The following CNBD1 variants were observed in gnomAD, a reference collection of about 807,000 sequenced individuals.
CNBD1 encodes cyclic nucleotide-binding domain-containing protein 1.
CNBD1 carries 71 observed loss-of-function variants against 54.4 expected under a neutral mutation model. That is an observed-to-expected ratio of 1.30 (90% confidence interval 1.08 to 1.59). The LOEUF is 1.59. Among genes scored for constraint, CNBD1 ranks in the 40% most tolerant of loss-of-function variants. CNBD1 has a pLI of 0.00. For missense variants in CNBD1, 659 were observed against 518.0 expected, an observed-to-expected ratio of 1.27 and a Z score of -2.64; for synonymous variants, 182 against 170.7, an observed-to-expected ratio of 1.07 and a Z score of -0.51.
rs566018984 is a variant in CNBD1 at position 87,382,704 on chromosome 8, A to G, written c.*77A>G. 10 of 1,099,242 alleles carry G rather than the reference A, an allele frequency of 9.1e-6. No individual in the cohort carries two copies. Among genetic ancestry groups the G allele is most frequent in the Middle Eastern group, 2.1e-4 (1 of 4,668 alleles). 68.1% of individuals were successfully genotyped at this position (1,099,242 alleles called of 1,614,324 possible). A position where few individuals can be genotyped will look rare whatever the true frequency, so the allele number is the denominator to read the frequency against. On this transcript the variant is annotated 3_prime_UTR_variant, in exon 11 of 11. Coordinates refer to ENST00000518476, the MANE Select transcript of CNBD1 (RefSeq NM_173538.3). ...TGGAATAATTGCATTCTGGAATACT[A>G]TCAAACTACCAGCAATGAATTTGGT...
intron 4 of CNBD1, among the ~76,000 whole-genome samples, chr8:86,961,573 C>A (rs564394701): frequency 6.6e-6 from 1 of 152,332 alleles, no homozygotes; most frequent in East Asian, 1.9e-4. Context: ...AAGGGCATCC[C>A]GTTTGGAGAG....
intron 2 of CNBD1, among the ~76,000 whole-genome samples, chr8:87,418,289 T>A (rs1013892490): frequency 1.3e-5 from 2 of 151,974 alleles, no homozygotes; most frequent in African/African-American, 4.8e-5. Context: ...TTTCAACAAA[T>A]CGTGCTGAGA....
At chr8:87,369,280 C>T (rs1316771) in intron 10 of CNBD1, among the ~76,000 whole-genome samples, 25,124 of 151,804 alleles carry the variant, frequency 0.17, 2,935 homozygotes, top group African/African-American at 0.34. Flanking sequence ...ATTTGGTTTC[C>T]TAGGTCAATT....
chr8:87,230,380 A>T lies in CNBD1; in HGVS notation c.578-6539A>T, dbSNP rs1014238127. On this transcript the variant is annotated intron_variant, in intron 5 of 10. Coordinates refer to ENST00000518476, the MANE Select transcript of CNBD1 (RefSeq NM_173538.3). ...TGAGGTTGTTTATAAAATCTATAAA[A>T]CTAACATACATTTGTAGGTATATAT... 2.6e-5 allele frequency among the ~76,000 whole-genome samples: 4 copies of T among 152,298 alleles called. No individual in the cohort carries two copies. In the East Asian group the frequency reaches 5.8e-4, roughly 22 times the overall value.
At chr8:87,376,331 G>A (rs1261057813) in intron 10 of CNBD1, among the ~76,000 whole-genome samples, 1 of 151,812 alleles carries the variant, frequency 6.6e-6, no homozygotes, top group Non-Finnish European at 1.5e-5. Context: ...ACATGGCTGA[G>A]AATAGAGAGC....
chr8:86,869,347 C>CACAACAACA (rs58298303), intron 1 of CNBD1, among the ~76,000 whole-genome samples: 1 of 151,364 alleles, frequency 6.6e-6, no homozygotes, highest in Non-Finnish European at 1.5e-5. Context: ...AAACTCTACT[C>CACAACAACA]ACAACAACAA....
At chr8:87,004,090 A>G (rs943938508) in intron 4 of CNBD1, among the ~76,000 whole-genome samples, 3 of 152,250 alleles carry the variant, frequency 2.0e-5, no homozygotes, top group Non-Finnish European at 2.9e-5. Flanking sequence ...TGCTTTTCAC[A>G]TAGTGAATAT....
At chr8:86,875,258 G>T (rs563600808) in intron 1 of CNBD1, among the ~76,000 whole-genome samples, 1 of 151,736 alleles carries the variant, frequency 6.6e-6, no homozygotes, top group Admixed American at 6.6e-5. Context: ...CTCACACCTC[G>T]CAGCTGTCCT....
intron 8 of CNBD1, among the ~76,000 whole-genome samples, chr8:87,317,906 TTC>T (rs1487662014): frequency 1.3e-5 from 2 of 151,982 alleles, no homozygotes; most frequent in African/African-American, 4.8e-5. Flanking sequence ...ATTTTTTTTC[TTC>T]TCTGTGTCTT....
intron 4 of CNBD1, among the ~76,000 whole-genome samples, chr8:86,966,263 C>T (rs1272242858): frequency 6.6e-6 from 1 of 152,168 alleles, no homozygotes; most frequent in African/African-American, 2.4e-5. Context: ...AATTAATCAG[C>T]CTCCTGGTGC....
At chr8:86,882,847 A>T (rs1420589507) in intron 1 of CNBD1, among the ~76,000 whole-genome samples, 1 of 152,224 alleles carries the variant, frequency 6.6e-6, no homozygotes, top group Non-Finnish European at 1.5e-5. Flanking sequence ...GCCATAAAAA[A>T]GAATAAGATT....
At chr8:87,017,253 T>G (rs1238735699) in intron 4 of CNBD1, among the ~76,000 whole-genome samples, 2 of 152,218 alleles carry the variant, frequency 1.3e-5, no homozygotes, top group Non-Finnish European at 2.9e-5. Context: ...CCACTTTTAC[T>G]TAAATGCCTT....
At chr8:87,070,880 T>C (rs1810746643) in intron 4 of CNBD1, among the ~76,000 whole-genome samples, 1 of 152,078 alleles carries the variant, frequency 6.6e-6, no homozygotes, top group Non-Finnish European at 1.5e-5. Flanking sequence ...ACCATATTAA[T>C]AAGGAAGAGC....
In CNBD1 at chr8:87,229,440, A is replaced by G. The variant is rs182239231; in HGVS notation, c.578-7479A>G. Among the ~76,000 whole-genome samples the G allele has an allele frequency of 8.1e-4, 123 of 152,244 alleles. 2 individuals are homozygous for G. The highest frequency in any genetic ancestry group is 1.2e-3 in the Non-Finnish European group (79 of 68,014). ...ATTAACAAATGTCTCTTTTCTCACA[A>G]TTCATACATTTAACACCACTTTGTG... is the stretch of plus-strand genomic sequence containing the variant. On this transcript the variant is annotated intron_variant, in intron 5 of 10. Transcript: ENST00000518476.
At chr8:87,331,677 C>A (rs894139765) in intron 8 of CNBD1, among the ~76,000 whole-genome samples, 1 of 152,148 alleles carries the variant, frequency 6.6e-6, no homozygotes. Flanking sequence ...ACATTCCCAC[C>A]AGCAATGTAA....
At chr8:87,220,008 G>C (rs976990936) in intron 5 of CNBD1, among the ~76,000 whole-genome samples, 1 of 151,806 alleles carries the variant, frequency 6.6e-6, no homozygotes, top group African/African-American at 2.4e-5. Flanking sequence ...TAAACTTTGG[G>C]ATTAAACTTT....
chr8:86,887,486 A>G lies in CNBD1; in HGVS notation c.89-56A>G, dbSNP rs1241197866. ...GTTTGCAATTAAACTCTATTTACACACTTGCTTAATAAGATTATGGAAAAT... is the reference window on the plus strand; with the variant it reads ...GTTTGCAATTAAACTCTATTTACACGCTTGCTTAATAAGATTATGGAAAAT... On this transcript the variant is annotated intron_variant, in intron 1 of 10. Coordinates refer to ENST00000518476, the MANE Select transcript of CNBD1 (RefSeq NM_173538.3). 5 of 1,098,864 alleles carry G rather than the reference A, an allele frequency of 4.6e-6. No homozygotes were observed. The African/African-American group carries it at 6.3e-5, about 14-fold the overall frequency. 68.1% of individuals were successfully genotyped at this position (1,098,864 alleles called of 1,614,324 possible).
intron 6 of CNBD1, among the ~76,000 whole-genome samples, chr8:87,250,220 A>C (rs1246160377): frequency 6.6e-6 from 1 of 152,230 alleles, no homozygotes; most frequent in East Asian, 1.9e-4. Flanking sequence ...GATATATGAA[A>C]GAATGCTCAA....
chr8:87,176,073 C>T (rs907100377), intron 4 of CNBD1, among the ~76,000 whole-genome samples: 29 of 152,302 alleles, frequency 1.9e-4, no homozygotes, highest in African/African-American at 6.3e-4. Flanking sequence ...GCCACGTGAC[C>T]GCTGCAGGGG....
Sources: gnomAD v4.1 joint callset for allele counts (sites outside exome capture counted in the v4.1 genomes callset) on GRCh38, gnomAD v4.1.1 for gene constraint, MANE v1.5 for transcripts, NCBI Gene and HGNC (gene_info 2026-07-23, HGNC 2026-07-21) for gene names.